The following BEND7 variants were observed in gnomAD, a reference collection of about 807,000 sequenced individuals.
BEND7 encodes the protein BEN domain-containing protein 7.
In BEND7, 28 loss-of-function variants were observed where a neutral mutation model predicts 50.9. That is an observed-to-expected ratio of 0.55 (90% CI 0.41 to 0.75). The LOEUF is 0.75. Among genes scored for constraint, BEND7 ranks in the 30% least tolerant of loss-of-function variants. The pLI is 0.00. For synonymous variants in BEND7, 170 were observed against 183.9 expected, an observed-to-expected ratio of 0.92 and a Z score of 0.61; for missense variants, 477 against 491.3, an observed-to-expected ratio of 0.97 and a Z score of 0.28.
chr10:13,439,587 G>A, downstream of BEND7: 1 of 1,248,972 alleles, frequency 8.0e-7, no homozygotes, highest in Non-Finnish European at 1.1e-6. Context: ...CCTTATCTTA[G>A]TGAGTGCAAG....
At chr10:13,479,376 G>A (rs189689448) in intron 6 of BEND7, among the ~76,000 whole-genome samples, 1 of 151,504 alleles carries the variant, frequency 6.6e-6, no homozygotes, top group East Asian at 1.9e-4. Flanking sequence ...AACCCACATC[G>A]ATCCACTTGT....
intron 7 of BEND7, among the ~76,000 whole-genome samples, chr10:13,448,753 A>G (rs561909727): frequency 2.6e-4 from 40 of 152,252 alleles, no homozygotes; most frequent in African/African-American, 9.4e-4. Flanking sequence ...AGGCGGGTGG[A>G]TCACGAGGTC....
chr10:13,501,148 G>A (rs2132233856), intron 2 of BEND7, among the ~76,000 whole-genome samples: 1 of 152,212 alleles, frequency 6.6e-6, no homozygotes, highest in South Asian at 2.1e-4. Flanking sequence ...GCCGAGGCGG[G>A]TAGATCACCT....
In BEND7 at chr10:13,452,653, T is replaced by C. The variant is rs1429586053; in HGVS notation, c.1069A>G (p.Thr357Ala). ...QNIVGAIKVF[T>A]EKYCTANHVD... ...TGGTTAGCTGTACAGTACTTTTCTG[T>C]GAAGACTGAAAGAAAATGTAAAATA... Residue 357 changes from threonine (T) to alanine (A), a missense_variant, in exon 7 of 9, where the codon ACA becomes GCA. By Grantham distance (58) the Thr-to-Ala change is moderately conservative. Coordinates refer to ENST00000466271, the MANE Select transcript of BEND7 (RefSeq NM_001369863.1). 17 of 1,584,290 alleles carry C rather than the reference T, an allele frequency of 1.1e-5. No individual in the cohort carries two copies. Among genetic ancestry groups the C allele is most frequent in the Non-Finnish European group, 1.3e-5 (15 of 1,166,364 alleles).
chr10:13,450,523 G>A (rs868125845), intron 7 of BEND7, among the ~76,000 whole-genome samples: 53 of 152,206 alleles, frequency 3.5e-4, no homozygotes, highest in South Asian at 2.1e-4. Context: ...GAGACAAACT[G>A]TATTTGGCAG....
chr10:13,480,640 T>C (rs1429898769), intron 6 of BEND7: 1 of 984,632 alleles, frequency 1.0e-6, no homozygotes, highest in African/African-American at 1.7e-5. Context: ...AAGAAAAAAC[T>C]TCTTTTTGAT....
chr10:13,509,501 A>T (rs933780128), intron 2 of BEND7, among the ~76,000 whole-genome samples: 3 of 152,206 alleles, frequency 2.0e-5, no homozygotes, highest in Admixed American at 2.0e-4. Context: ...GAGCACAGTT[A>T]CGGTGTCCGT....
chr10:13,500,411 C>G (rs963581669), intron 2 of BEND7: 1 of 689,940 alleles, frequency 1.4e-6, no homozygotes, highest in Non-Finnish European at 1.9e-6. Flanking sequence ...CAGGCTGAGA[C>G]AGAAGGTCAA....
At chr10:13,517,751 T>C (rs115225727) in intron 2 of BEND7, among the ~76,000 whole-genome samples, 1,692 of 151,980 alleles carry the variant, frequency 0.011, 35 homozygotes, top group South Asian at 0.039. Context: ...CTCTGAAAAA[T>C]GGAAAAGAAT....
At position 13,452,704 on chromosome 10, in the gene BEND7, T is replaced by G. The variant is rs1388571169; in HGVS notation, c.1064-46A>C. 2.0e-6 allele frequency: 3 copies of G among 1,499,978 alleles called. No homozygotes were observed. In the Admixed American group the frequency reaches 6.4e-5, roughly 32 times the overall value. The allele number at this position is 1,499,978 out of a possible 1,614,324, so 92.9% of individuals were successfully genotyped here. A position where few individuals can be genotyped will look rare whatever the true frequency, so the allele number is the denominator to read the frequency against. On this transcript the variant is annotated intron_variant, in intron 6 of 8. Coordinates refer to ENST00000466271, the MANE Select transcript of BEND7 (RefSeq NM_001369863.1). ...TTGTTAAATACCTTAACAAGTAAAA[T>G]ATGCAGATCTGAAACAGAAATATAT... is the stretch of plus-strand genomic sequence containing the variant.
At chr10:13,507,293 C>T (rs1446987309) in intron 2 of BEND7, among the ~76,000 whole-genome samples, 3 of 152,158 alleles carry the variant, frequency 2.0e-5, no homozygotes, top group Admixed American at 6.5e-5. Context: ...TCCTCTTGAT[C>T]AGAACTGACT....
At chr10:13,520,554 G>A (rs1279301985) in intron 2 of BEND7, among the ~76,000 whole-genome samples, 3 of 152,130 alleles carry the variant, frequency 2.0e-5, no homozygotes, top group Non-Finnish European at 2.9e-5. Context: ...GAGAAGTTAC[G>A]TACTGAGATC....
intron 5 of BEND7, among the ~76,000 whole-genome samples, chr10:13,483,261 G>C (rs1220454774): frequency 6.6e-6 from 1 of 152,088 alleles, no homozygotes; most frequent in Non-Finnish European, 1.5e-5. Flanking sequence ...TGTGAACATG[G>C]ACCCCAGTTT....
chr10:13,475,434 GT>G (rs1272317677), intron 6 of BEND7, among the ~76,000 whole-genome samples: 3 of 152,178 alleles, frequency 2.0e-5, no homozygotes, highest in African/African-American at 7.2e-5. Context: ...TATATCAAGT[GT>G]TTACTCCCAA....
chr10:13,528,890 G>C lies in BEND7; in HGVS notation c.-357C>G, dbSNP rs1197341356. The C allele has an allele frequency of 1.4e-5, 2 of 144,726 alleles. No homozygotes were observed. The highest frequency in any genetic ancestry group is 3.1e-5 in the Non-Finnish European group (2 of 65,190). The allele number at this position is 144,726 out of a possible 1,614,324, so 9.0% of individuals were successfully genotyped here. On this transcript the variant is annotated 5_prime_UTR_variant, in exon 1 of 9. Transcript: ENST00000466271. Reference sequence around the variant, plus strand: ...TTGGGAGCGGGCCGGGCCGGGGCGCGGCGGCGGCGGCGGAGGCGGGGGGCG... The same window carrying C: ...TTGGGAGCGGGCCGGGCCGGGGCGCCGCGGCGGCGGCGGAGGCGGGGGGCG...
intron 2 of BEND7, among the ~76,000 whole-genome samples, chr10:13,517,260 A>G (rs2078751283): frequency 6.6e-6 from 1 of 151,110 alleles, no homozygotes; most frequent in African/African-American, 2.4e-5. Context: ...TTTTTTTTGC[A>G]GAAGAGTGGT....
At chr10:13,447,098 A>T in intron 8 of BEND7, 168 bp downstream of exon 8, 1 of 683,974 alleles carries the variant, frequency 1.5e-6, no homozygotes, top group Non-Finnish European at 2.6e-6. Flanking sequence ...TATGAAAAAC[A>T]TCTCTGAGTA....
intron 2 of BEND7, among the ~76,000 whole-genome samples, chr10:13,516,711 C>A (rs899089818): frequency 6.6e-6 from 1 of 151,948 alleles, no homozygotes; most frequent in East Asian, 1.9e-4. Context: ...GGTGACACAG[C>A]GAGACTCTAA....
chr10:13,457,043 A>G (rs1839130293), intron 6 of BEND7, among the ~76,000 whole-genome samples: 1 of 152,272 alleles, frequency 6.6e-6, no homozygotes, highest in African/African-American at 2.4e-5. Flanking sequence ...AATGTGTACT[A>G]CAAAAATGAC....
Sources: gnomAD v4.1 joint callset for allele counts (sites outside exome capture counted in the v4.1 genomes callset) on GRCh38, gnomAD v4.1.1 for gene constraint, MANE v1.5 for transcripts, NCBI Gene and HGNC (gene_info 2026-07-23, HGNC 2026-07-21) for gene names.